The following EXOC6 variants were observed in gnomAD, a reference collection of about 807,000 sequenced individuals.
EXOC6 encodes the protein SEC15-like 1.
Under a neutral mutation model 112.5 loss-of-function variants are expected in EXOC6, and 60 were observed. The observed-to-expected ratio is 0.53, with a 90% CI of 0.43 to 0.66. The LOEUF is 0.66. Among genes scored for constraint, EXOC6 ranks in the 30% least tolerant of loss-of-function variants. The pLI, the probability that EXOC6 is intolerant of heterozygous loss-of-function variation, is 0.00. For synonymous variants in EXOC6, 295 were observed against 308.0 expected, an observed-to-expected ratio of 0.96 and a Z score of 0.44; for missense variants, 855 against 957.1, an observed-to-expected ratio of 0.89 and a Z score of 1.41.
At chr10:92,890,568 A>G (rs1400331529) in intron 1 of EXOC6, among the ~76,000 whole-genome samples, 1 of 152,176 alleles carries the variant, frequency 6.6e-6, no homozygotes, top group Non-Finnish European at 1.5e-5. Flanking sequence ...CAGAGAGTAT[A>G]TTCTACAGTG....
At chr10:92,955,085 C>G (rs1051808487) in intron 16 of EXOC6, among the ~76,000 whole-genome samples, 1 of 151,956 alleles carries the variant, frequency 6.6e-6, no homozygotes, top group Non-Finnish European at 1.5e-5. Context: ...CCTAGCTACT[C>G]TGGACTTGAG....
At chr10:92,986,336 A>G (rs1413038913) in intron 18 of EXOC6, among the ~76,000 whole-genome samples, 1 of 152,192 alleles carries the variant, frequency 6.6e-6, no homozygotes, top group African/African-American at 2.4e-5. Flanking sequence ...ACTAATGCAA[A>G]TAAAATTTAT....
At chr10:92,939,772 A>G (rs1448658021) in intron 12 of EXOC6, among the ~76,000 whole-genome samples, 2 of 152,154 alleles carry the variant, frequency 1.3e-5, no homozygotes, top group Non-Finnish European at 2.9e-5. Flanking sequence ...GATGGAGAAC[A>G]AGAAGAGTGA....
intron 20 of EXOC6, among the ~76,000 whole-genome samples, chr10:93,036,218 CA>C (rs58823676): frequency 4.1e-4 from 57 of 140,520 alleles, no homozygotes; most frequent in Non-Finnish European, 3.6e-4. Flanking sequence ...AACTCCATCT[CA>C]AAAAAAAAAA....
At chr10:93,011,594 CTTTAA>C (rs1382230576) in intron 19 of EXOC6, among the ~76,000 whole-genome samples, 1 of 152,014 alleles carries the variant, frequency 6.6e-6, no homozygotes, top group Non-Finnish European at 1.5e-5. Context: ...TAGAAAACAC[CTTTAA>C]TTTAAACACC....
intron 2 of EXOC6, 136 bp from the exon 3 acceptor site, chr10:92,894,658 G>C: frequency 1.5e-6 from 1 of 651,758 alleles, no homozygotes; most frequent in Non-Finnish European, 2.6e-6. Context: ...TCAAGTTCAA[G>C]CTGTAGAGTT....
intron 19 of EXOC6, among the ~76,000 whole-genome samples, chr10:93,002,021 A>C (rs1247043255): frequency 6.6e-6 from 1 of 152,180 alleles, no homozygotes; most frequent in Non-Finnish European, 1.5e-5. Flanking sequence ...TATCAAATAC[A>C]TTGTTTCATA....
chr10:92,975,581 C>G (rs1417582079), intron 18 of EXOC6, among the ~76,000 whole-genome samples: 1 of 143,862 alleles, frequency 7.0e-6, no homozygotes, highest in Non-Finnish European at 1.5e-5. Flanking sequence ...GATCAGCCCC[C>G]TGCCCGGCCA....
At chr10:92,888,270 A>C (rs1230234030) in intron 1 of EXOC6, among the ~76,000 whole-genome samples, 1 of 152,202 alleles carries the variant, frequency 6.6e-6, no homozygotes, top group Non-Finnish European at 1.5e-5. Context: ...TTATAGCACA[A>C]CAGAAAAAGA....
At chr10:92,919,088 T>C (rs567253952) in intron 7 of EXOC6, among the ~76,000 whole-genome samples, 4 of 152,284 alleles carry the variant, frequency 2.6e-5, no homozygotes, top group African/African-American at 9.6e-5. Context: ...TATTTTCTCC[T>C]TTGAGGTTCA....
intron 1 of EXOC6, among the ~76,000 whole-genome samples, chr10:92,879,809 A>G (rs1848859364): frequency 6.6e-6 from 1 of 152,160 alleles, no homozygotes. Flanking sequence ...TGCCTGTTGT[A>G]TGTCAGGCAC....
At chr10:92,887,047 T>G (rs1048411498) in intron 1 of EXOC6, among the ~76,000 whole-genome samples, 1 of 152,222 alleles carries the variant, frequency 6.6e-6, no homozygotes, top group African/African-American at 2.4e-5. Flanking sequence ...ATTGTTGACC[T>G]GAAGAGCACA....
At chr10:92,865,271 C>T (rs1466151466) in intron 1 of EXOC6, among the ~76,000 whole-genome samples, 1 of 152,036 alleles carries the variant, frequency 6.6e-6, no homozygotes, top group Non-Finnish European at 1.5e-5. Flanking sequence ...CGGTGGCTCA[C>T]GCCTGTAATT....
At chr10:93,031,481 G>A (rs988648883) in intron 20 of EXOC6, among the ~76,000 whole-genome samples, 2 of 143,616 alleles carry the variant, frequency 1.4e-5, no homozygotes, top group Admixed American at 6.9e-5. Flanking sequence ...TAGTCCATGC[G>A]TTTTCTTTCT....
At chr10:93,029,241 T>C (rs1446991987) in intron 20 of EXOC6, among the ~76,000 whole-genome samples, 3 of 152,210 alleles carry the variant, frequency 2.0e-5, no homozygotes, top group Admixed American at 6.5e-5. Flanking sequence ...GCACACTTAA[T>C]AGACTATAGT....
chr10:92,893,361 T>C lies in EXOC6; in HGVS notation c.114T>C (p.Asp38=). 1 of 1,610,960 alleles carries C rather than the reference T, an allele frequency of 6.2e-7. No individual in the cohort carries two copies. The highest frequency in any genetic ancestry group is 8.5e-7 in the Non-Finnish European group (1 of 1,178,408). ...CVGPTLRSVY[D]DQPNAHKKFM... is the part of the protein sequence containing the mutation. ...TATATACATTCAGGTCTGTGTATGA[T>C]GACCAACCAAATGCGCACAAGAAGT... The change falls in exon 2 of 22, where the codon GAT becomes GAC. Residue 38 remains aspartate, a synonymous_variant. Transcript: ENST00000260762.
At chr10:93,011,158 A>G (rs1234583870) in intron 19 of EXOC6, among the ~76,000 whole-genome samples, 1 of 151,844 alleles carries the variant, frequency 6.6e-6, no homozygotes, top group Non-Finnish European at 1.5e-5. Context: ...TGATGGTAGA[A>G]GCTATGGTAA....
chr10:93,028,266 C>T (rs1473126729), intron 20 of EXOC6, among the ~76,000 whole-genome samples: 1 of 152,062 alleles, frequency 6.6e-6, no homozygotes, highest in Non-Finnish European at 1.5e-5. Flanking sequence ...CACTCCACTC[C>T]AGCCTGGGCA....
chr10:92,917,496 C>CTATA (rs1405388166), intron 7 of EXOC6, among the ~76,000 whole-genome samples: 4 of 148,958 alleles, frequency 2.7e-5, no homozygotes, highest in Non-Finnish European at 5.9e-5. Flanking sequence ...CTTTCATCTT[C>CTATA]TATATCCAAA....
Sources: gnomAD v4.1 joint callset for allele counts (sites outside exome capture counted in the v4.1 genomes callset) on GRCh38, gnomAD v4.1.1 for gene constraint, MANE v1.5 for transcripts, NCBI Gene and HGNC (gene_info 2026-07-23, HGNC 2026-07-21) for gene names.